Variants in CDH18 observed in about 807,000 individuals in gnomAD.
CDH18 encodes cadherin-18.
In CDH18, 31 loss-of-function variants were observed where a neutral mutation model predicts 67.9. The observed-to-expected ratio is 0.46, with a 90% CI of 0.34 to 0.62. The LOEUF is 0.62. Among genes scored for constraint, CDH18 ranks in the 20% least tolerant of loss-of-function variants. The pLI, the probability that CDH18 is intolerant of heterozygous loss-of-function variation, is 0.01. For synonymous variants in CDH18, 362 were observed against 347.2 expected, an observed-to-expected ratio of 1.04 and a Z score of -0.48; for missense variants, 890 against 975.5, an observed-to-expected ratio of 0.91 and a Z score of 1.17.
chr5:20,178,527 G>A (rs1217942370), intron 2 of CDH18, among the ~76,000 whole-genome samples: 1 of 149,738 alleles, frequency 6.7e-6, no homozygotes, highest in African/African-American at 2.4e-5. Flanking sequence ...GAAATACCCA[G>A]AGCAGGTGTG....
At chr5:19,482,035 C>A (rs1029147963) in intron 12 of CDH18, among the ~76,000 whole-genome samples, 1 of 152,026 alleles carries the variant, frequency 6.6e-6, no homozygotes, top group African/African-American at 2.4e-5. Context: ...TAGATTATTA[C>A]AACAGATAAT....
At position 19,543,988 on chromosome 5, in the gene CDH18, T is replaced by C. The variant is rs139958887; in HGVS notation, c.1271A>G (p.Asn424Ser). Residue 424 changes from asparagine (N) to serine (S), a missense_variant, in exon 9 of 13, where the codon AAT becomes AGT. Coordinates refer to ENST00000382275, the MANE Select transcript of CDH18 (RefSeq NM_004934.5). ...NSLVRYFINY[N>S]VEDDRFFNID... ...GTTGAAAAATCTGTCGTCTTCAACA[T>C]TGTAGTTGATGAAGTATCTAGAGAA... 3.6e-5 allele frequency: 57 copies of C among 1,572,752 alleles called. 1 individual carries two copies. The highest frequency in any genetic ancestry group is 3.5e-4 in the African/African-American group (26 of 74,266).
At chr5:20,009,088 T>C (rs1162417317) in intron 2 of CDH18, among the ~76,000 whole-genome samples, 1 of 152,142 alleles carries the variant, frequency 6.6e-6, no homozygotes, top group Non-Finnish European at 1.5e-5. Context: ...GAGATGAACT[T>C]GTTCTTACTT....
At chr5:20,002,053 T>C (rs1454509401) in intron 2 of CDH18, among the ~76,000 whole-genome samples, 1 of 152,192 alleles carries the variant, frequency 6.6e-6, no homozygotes, top group African/African-American at 2.4e-5. Context: ...TTCTGCTCAT[T>C]GTTACAAACT....
At chr5:20,330,241 C>T (rs1182983917) in intron 1 of CDH18, among the ~76,000 whole-genome samples, 4 of 151,810 alleles carry the variant, frequency 2.6e-5, no homozygotes, top group Admixed American at 1.3e-4. Flanking sequence ...TTCAATTAAA[C>T]GATTAAAGGT....
chr5:20,236,947 C>G (rs1055780527), intron 2 of CDH18, among the ~76,000 whole-genome samples: 1 of 151,748 alleles, frequency 6.6e-6, no homozygotes, highest in Non-Finnish European at 1.5e-5. Flanking sequence ...TCCTATAGCT[C>G]TTACAAACAA....
At chr5:19,681,051 G>A (rs1279787197) in intron 5 of CDH18, among the ~76,000 whole-genome samples, 1 of 151,860 alleles carries the variant, frequency 6.6e-6, no homozygotes, top group East Asian at 1.9e-4. Flanking sequence ...AGAAAATATG[G>A]TACATATACG....
At chr5:19,513,079 C>T (rs573371286) in intron 10 of CDH18, among the ~76,000 whole-genome samples, 1 of 151,854 alleles carries the variant, frequency 6.6e-6, no homozygotes, top group Non-Finnish European at 1.5e-5. Flanking sequence ...TTAATAAATA[C>T]AACTTTAATC....
chr5:19,869,983 T>G (rs1036271481), intron 2 of CDH18, among the ~76,000 whole-genome samples: 1 of 152,152 alleles, frequency 6.6e-6, no homozygotes, highest in African/African-American at 2.4e-5. Flanking sequence ...AAATTCAAGT[T>G]GTAAACATCA....
chr5:20,124,745 A>C (rs796649185), intron 2 of CDH18, among the ~76,000 whole-genome samples: 31 of 152,324 alleles, frequency 2.0e-4, no homozygotes, highest in African/African-American at 7.0e-4. Flanking sequence ...CATCCCAAAA[A>C]TCTAGACTAT....
At chr5:20,504,204 A>C (rs1012255676) in intron 1 of CDH18, among the ~76,000 whole-genome samples, 1 of 152,038 alleles carries the variant, frequency 6.6e-6, no homozygotes, top group Non-Finnish European at 1.5e-5. Context: ...TCTAAGGATT[A>C]GGTCATCCAG....
At chr5:19,538,890 AC>A (rs1252075566) in intron 9 of CDH18, among the ~76,000 whole-genome samples, 4 of 152,196 alleles carry the variant, frequency 2.6e-5, no homozygotes, top group African/African-American at 9.7e-5. Context: ...ACTTCACAAA[AC>A]AACTGGCTCT....
At chr5:19,598,799 C>T (rs1479651568) in intron 6 of CDH18, among the ~76,000 whole-genome samples, 3 of 152,202 alleles carry the variant, frequency 2.0e-5, no homozygotes. Context: ...GATGTGTTAT[C>T]TTTAGTAAAT....
intron 5 of CDH18, among the ~76,000 whole-genome samples, chr5:19,697,889 A>G (rs1762741776): frequency 6.6e-6 from 1 of 152,138 alleles, no homozygotes; most frequent in African/African-American, 2.4e-5. Flanking sequence ...TCCTCTTCAG[A>G]TGAACATGGG....
chr5:19,953,881 G>GA (rs778256173), intron 2 of CDH18, among the ~76,000 whole-genome samples: 59 of 151,714 alleles, frequency 3.9e-4, no homozygotes, highest in South Asian at 1.2e-3. Flanking sequence ...AATGGAAAAA[G>GA]AAAAAAGATT....
chr5:20,461,610 C>A (rs578206202), intron 1 of CDH18, among the ~76,000 whole-genome samples: 115 of 152,174 alleles, frequency 7.6e-4, no homozygotes, highest in African/African-American at 2.3e-3. Flanking sequence ...CAAACCTCTT[C>A]TTTCTGCTTG....
intron 1 of CDH18, among the ~76,000 whole-genome samples, chr5:20,288,454 T>C (rs1183596128): frequency 6.6e-6 from 1 of 151,448 alleles, no homozygotes; most frequent in Non-Finnish European, 1.5e-5. Context: ...GATATATATA[T>C]ATATATATAT....
At chr5:19,978,322 T>A (rs1798701945) in intron 2 of CDH18, among the ~76,000 whole-genome samples, 1 of 152,136 alleles carries the variant, frequency 6.6e-6, no homozygotes, top group South Asian at 2.1e-4. Flanking sequence ...AACCTTTGGG[T>A]TTCATATGAC....
At chr5:19,834,152 A>AT (rs36060099) in intron 3 of CDH18, among the ~76,000 whole-genome samples, 71,983 of 143,596 alleles carry the variant, frequency 0.5, 17,600 homozygotes, top group Middle Eastern at 0.59. Context: ...TGGTCCTGGG[A>AT]TTTTTTTTTT....
Sources: gnomAD v4.1 joint callset for allele counts (sites outside exome capture counted in the v4.1 genomes callset) on GRCh38, gnomAD v4.1.1 for gene constraint, MANE v1.5 for transcripts, NCBI Gene and HGNC (gene_info 2026-07-23, HGNC 2026-07-21) for gene names.